Variants in REL observed in about 807,000 individuals in gnomAD.
The protein encoded by REL is REL proto-oncogene, NF-kB subunit.
REL carries 15 observed loss-of-function variants against 45.9 expected under a neutral mutation model. The ratio of observed to expected loss-of-function variants is 0.33; its 90% CI spans 0.22 to 0.50. The LOEUF (loss-of-function observed/expected upper bound fraction) is 0.50. Ranked by LOEUF, REL falls within the 20% of genes least tolerant of loss-of-function variation. The probability of loss-of-function intolerance (pLI) is 0.98; values close to 1 mark genes in which losing one functional copy is unlikely to be tolerated. For synonymous variants in REL, 239 were observed against 242.1 expected (o/e 0.99, Z 0.12); for missense variants, 601 against 715.2 (o/e 0.84, Z 1.82).
chr2:60,922,279 A>G lies in REL; in HGVS notation c.1508A>G (p.Gln503Arg). ...NSVLDPRDLR[Q>R]LHQMSSSSMS... ...GTGTTAGACCCAAGAGACTTGAGAC[A>G]GCTCCATCAGATGTCCTCTTCCAGT... Residue 503 changes from glutamine (Q) to arginine (R), a missense_variant, in exon 10 of 10, where the codon CAG becomes CGG. This residue lies in a region of REL where 334 missense variants were observed against 333.1 expected (regional missense o/e 1.00). Transcript: ENST00000394479. The G allele has an allele frequency of 6.2e-7, 1 of 1,614,204 alleles. No individual in the cohort carries two copies. The highest frequency in any genetic ancestry group is 2.2e-5 in the East Asian group (1 of 44,884).
chr2:60,922,797 A>G lies in REL; in HGVS notation c.*262A>G, dbSNP rs1674179833. 3.9e-6 allele frequency: 4 copies of G among 1,019,510 alleles called. No individual in the cohort carries two copies. The South Asian group carries it at 1.5e-4, about 40-fold the overall frequency. 63.2% of individuals were successfully genotyped at this position (1,019,510 alleles called of 1,614,324 possible). On this transcript the variant is annotated 3_prime_UTR_variant, in exon 10 of 10. Transcript: ENST00000394479. ...AGGGGCTCACACCTGTAATCCTAGC[A>G]CTTTGGGAGGCCAAGGCGGGTGGAT...
chr2:60,885,132 A>G (rs1673040057), intron 1 of REL, among the ~76,000 whole-genome samples: 1 of 152,230 alleles, frequency 6.6e-6, no homozygotes, highest in Non-Finnish European at 1.5e-5. Flanking sequence ...AATTAGGAAC[A>G]TCTAGGTTAT....
At chr2:60,898,105 C>T (rs531876097) in intron 3 of REL, among the ~76,000 whole-genome samples, 3 of 152,268 alleles carry the variant, frequency 2.0e-5, no homozygotes, top group Non-Finnish European at 2.9e-5. Flanking sequence ...AATTCATCAC[C>T]GTCATACTAC....
At position 60,916,899 on chromosome 2, in the gene REL, T is replaced by A; in HGVS notation, c.417T>A (p.Asp139Glu). Residue 139 changes from aspartate to glutamate, a missense_variant, in exon 5 of 10, where the codon GAT becomes GAA. Transcript: ENST00000394479. ...CAGTCCCTGAAAAACAGCTGAATGA[T>A]ATTGAAGATTGTGACCTCAATGTGG... ...PFNVPEKQLN[D>E]IEDCDLNVVR... 1 of 1,613,238 alleles carries A rather than the reference T, an allele frequency of 6.2e-7. No individual in the cohort carries two copies. Among genetic ancestry groups the A allele is most frequent in the Non-Finnish European group, 8.5e-7 (1 of 1,179,532 alleles).
chr2:60,897,995 A>G (rs1305564061), intron 3 of REL, among the ~76,000 whole-genome samples: 3 of 152,108 alleles, frequency 2.0e-5, no homozygotes, highest in African/African-American at 4.8e-5. Context: ...TAAAAGACCT[A>G]TAGGTGTCAT....
chr2:60,912,047 T>C (rs1392238835), intron 4 of REL, among the ~76,000 whole-genome samples: 1 of 147,248 alleles, frequency 6.8e-6, no homozygotes, highest in Non-Finnish European at 1.5e-5. Context: ...GATAAGTAGA[T>C]TCAATGCAAC....
Position 60,918,441 on chromosome 2 carries a change from A to ATC in REL, c.690_691dup (p.Phe231SerfsTer11). ...GTTGAACGATTGGGAAGCAAAAGGC[A>ATC]TCTTTTCACAAGCTGATGTACACCG... On this transcript the variant is annotated frameshift_variant, in exon 7 of 10. Coordinates refer to ENST00000394479, the MANE Select transcript of REL (RefSeq NM_001291746.2). LOFTEE classifies it high-confidence loss of function. The ATC allele has an allele frequency of 6.2e-7, 1 of 1,613,924 alleles. No individual in the cohort carries two copies. The highest frequency in any genetic ancestry group is 8.5e-7 in the Non-Finnish European group (1 of 1,179,980).
rs895866761 is a variant in REL at position 60,926,303 on chromosome 2, T to G, written c.*3768T>G. ...TTTGCATCCTGACTTCTGAAATGCC[T>G]CCAGCCTCCATTTTCTCCCTTCCCA... On this transcript the variant is annotated 3_prime_UTR_variant, in exon 10 of 10. Coordinates refer to ENST00000394479, the MANE Select transcript of REL (RefSeq NM_001291746.2). 4.3e-6 allele frequency: 1 copy of G among 231,906 alleles called. No homozygotes were observed. Among genetic ancestry groups the G allele is most frequent in the Non-Finnish European group, 8.5e-6 (1 of 117,152 alleles). The allele number at this position is 231,906 out of a possible 1,614,324, so 14.4% of individuals were successfully genotyped here.
intron 1 of REL, among the ~76,000 whole-genome samples, chr2:60,887,207 A>G (rs1422182396): frequency 6.6e-6 from 1 of 152,236 alleles, no homozygotes; most frequent in Non-Finnish European, 1.5e-5. Flanking sequence ...TGCATTATAT[A>G]AATGATTTAT....
Position 60,931,122 on chromosome 2 carries a change from GACTTC to G in REL, c.*8589_*8593del, listed in dbSNP as rs1168450732. 6.6e-6 allele frequency: 1 copy of G among 152,264 alleles called. No homozygotes were observed. Among genetic ancestry groups the G allele is most frequent in the African/African-American group, 2.4e-5 (1 of 41,414 alleles). 9.4% of individuals were successfully genotyped at this position (152,264 alleles called of 1,614,324 possible). ...CCATTTGTGGAACTGAATTTAATGA[GACTTC>G]ATTGGTGATACACTCAATTTTTACT... On this transcript the variant is annotated 3_prime_UTR_variant, in exon 10 of 10. Coordinates refer to ENST00000394479, the MANE Select transcript of REL (RefSeq NM_001291746.2).
chr2:60,894,087 C>G (rs186869393), intron 2 of REL, among the ~76,000 whole-genome samples: 68 of 152,260 alleles, frequency 4.5e-4, no homozygotes, highest in Non-Finnish European at 8.7e-4. Context: ...AGTGACTTAA[C>G]ATCTGTTTTC....
At position 60,922,738 on chromosome 2, in the gene REL, G is replaced by A. The variant is rs1047794564; in HGVS notation, c.*203G>A. On this transcript the variant is annotated 3_prime_UTR_variant, in exon 10 of 10. Transcript: ENST00000394479. Reference sequence around the variant, plus strand: ...GGACATAGCGAATACAAAATTGGAAGCTGTCATAAAAAGACAACTCAGAGG... The same window carrying A: ...GGACATAGCGAATACAAAATTGGAAACTGTCATAAAAAGACAACTCAGAGG... 3.4e-6 allele frequency: 4 copies of A among 1,178,118 alleles called. No individual in the cohort carries two copies. Among genetic ancestry groups the A allele is most frequent in the Non-Finnish European group, 4.2e-6 (4 of 952,004 alleles). 73.0% of individuals were successfully genotyped at this position (1,178,118 alleles called of 1,614,324 possible).
At chr2:60,911,994 C>CAAAAAAAAAAA (rs763342298) in intron 4 of REL, among the ~76,000 whole-genome samples, 1 of 37,318 alleles carries the variant, frequency 2.7e-5, no homozygotes, top group Non-Finnish European at 6.2e-5. Context: ...AAGACTGTCT[C>CAAAAAAAAAAA]AAAAAAAAAA....
At chr2:60,892,369 G>C (rs1673235596) in intron 2 of REL, among the ~76,000 whole-genome samples, 1 of 152,054 alleles carries the variant, frequency 6.6e-6, no homozygotes, top group South Asian at 2.1e-4. Context: ...ATTTTAAAAA[G>C]CTTTTGACCA....
chr2:60,903,903 G>C (rs1241115568), intron 4 of REL, among the ~76,000 whole-genome samples: 1 of 152,106 alleles, frequency 6.6e-6, no homozygotes, highest in African/African-American at 2.4e-5. Flanking sequence ...CTGGGGTCCA[G>C]TGATCCGCCT....
chr2:60,893,328 T>C (rs1457436333), intron 2 of REL, among the ~76,000 whole-genome samples: 1 of 152,232 alleles, frequency 6.6e-6, no homozygotes. Context: ...ATATATTGAA[T>C]TCCAGATTTC....
rs375695841 is a variant in REL at position 60,920,038 on chromosome 2, C to T, written c.854-3C>T. On this transcript the variant is annotated splice_polypyrimidine_tract_variant and splice_region_variant and intron_variant, in intron 7 of 9. Coordinates refer to ENST00000394479, the MANE Select transcript of REL (RefSeq NM_001291746.2). ...TCTGCTTTCCTGGTTTCTTTCTAATCAGATACTTACGGCAATAAAGCAAAG... is the reference window on the plus strand; with the variant it reads ...TCTGCTTTCCTGGTTTCTTTCTAATTAGATACTTACGGCAATAAAGCAAAG... The T allele has an allele frequency of 5.4e-5, 86 of 1,598,992 alleles. No individual in the cohort carries two copies. Among genetic ancestry groups the T allele is most frequent in the Non-Finnish European group, 6.9e-5 (81 of 1,170,550 alleles).
At position 60,930,698 on chromosome 2, in the gene REL, G is replaced by T. The variant is rs1558832964; in HGVS notation, c.*8163G>T. The T allele has an allele frequency of 6.6e-6, 1 of 152,270 alleles. No individual in the cohort carries two copies. The highest frequency in any genetic ancestry group is 1.5e-5 in the Non-Finnish European group (1 of 67,988). 9.4% of individuals were successfully genotyped at this position (152,270 alleles called of 1,614,324 possible). A position where few individuals can be genotyped will look rare whatever the true frequency, so the allele number is the denominator to read the frequency against. ...AAAATACAGATCAAAGTTTTCAAAA[G>T]TAATCACTCTATTTATTCTAAATGT... On this transcript the variant is annotated 3_prime_UTR_variant, in exon 10 of 10. Transcript: ENST00000394479.
Position 60,929,095 on chromosome 2 carries a change from GA to G in REL, c.*6563del, listed in dbSNP as rs1398969689. On this transcript the variant is annotated 3_prime_UTR_variant, in exon 10 of 10. Coordinates refer to ENST00000394479, the MANE Select transcript of REL (RefSeq NM_001291746.2). ...ATGCTCATCATGACTGGCCATCAGA[GA>G]AATGCAAATCAAAACCACAATGAGA... 2.1e-5 allele frequency: 3 copies of G among 145,426 alleles called. No individual in the cohort carries two copies. Among genetic ancestry groups the G allele is most frequent in the African/African-American group, 7.6e-5 (3 of 39,468 alleles). The allele number at this position is 145,426 out of a possible 1,614,324, so 9.0% of individuals were successfully genotyped here. A position where few individuals can be genotyped will look rare whatever the true frequency, so the allele number is the denominator to read the frequency against.
Sources: gnomAD v4.1 joint callset for allele counts (sites outside exome capture counted in the v4.1 genomes callset) on GRCh38, gnomAD v4.1.1 for gene constraint, gnomAD v4.1.1 regional missense constraint, MANE v1.5 for transcripts, NCBI Gene and HGNC (gene_info 2026-07-23, HGNC 2026-07-21) for gene names.